FBXL17: variants seen among roughly 807,000 people sequenced by gnomAD.
The protein encoded by FBXL17 is F-box and leucine rich repeat protein 17.
In FBXL17, 22 loss-of-function variants were observed where a neutral mutation model predicts 66.2. That is an observed-to-expected ratio of 0.33 (90% CI 0.24 to 0.47). The LOEUF is 0.47. Among genes scored for constraint, FBXL17 ranks in the 20% least tolerant of loss-of-function variants. The pLI, the probability that FBXL17 is intolerant of heterozygous loss-of-function variation, is 1.00. For synonymous variants in FBXL17, 474 were observed against 400.5 expected (o/e 1.18, Z -2.19); for missense variants, 878 against 948.2 (o/e 0.93, Z 0.97).
intron 7 of FBXL17, among the ~76,000 whole-genome samples, chr5:107,927,549 A>G (rs1750566020): frequency 6.6e-6 from 1 of 152,128 alleles, no homozygotes; most frequent in African/African-American, 2.4e-5. Context: ...TATAGAAAAT[A>G]AAATTTCCAA....
chr5:108,267,741 G>T (rs1757103096), intron 4 of FBXL17, among the ~76,000 whole-genome samples: 1 of 151,912 alleles, frequency 6.6e-6, no homozygotes, highest in Admixed American at 6.6e-5. Context: ...AATAAAATAA[G>T]TGCTATGAAG....
At chr5:108,356,530 A>C (rs1382677112) in intron 3 of FBXL17, among the ~76,000 whole-genome samples, 1 of 152,154 alleles carries the variant, frequency 6.6e-6, no homozygotes, top group Non-Finnish European at 1.5e-5. Flanking sequence ...GACATGGAAG[A>C]AACTTAACTG....
At chr5:107,927,569 T>C (rs1750566867) in intron 7 of FBXL17, among the ~76,000 whole-genome samples, 2 of 152,028 alleles carry the variant, frequency 1.3e-5, no homozygotes, top group African/African-American at 2.4e-5. Flanking sequence ...ATTAATAAGC[T>C]CTCATAAGGC....
intron 7 of FBXL17, among the ~76,000 whole-genome samples, chr5:107,960,446 C>T (rs938238137): frequency 2.0e-5 from 3 of 152,174 alleles, no homozygotes; most frequent in South Asian, 4.1e-4. Flanking sequence ...CTTTGACCAA[C>T]TCTCTGCTCC....
chr5:108,310,660 A>G (rs1031156798), intron 4 of FBXL17, among the ~76,000 whole-genome samples: 2 of 152,196 alleles, frequency 1.3e-5, no homozygotes, highest in Admixed American at 6.5e-5. Context: ...AGAGCTAGCT[A>G]CTCAAAATTA....
chr5:108,367,545 C>T (rs1323325709), intron 2 of FBXL17, among the ~76,000 whole-genome samples: 1 of 151,706 alleles, frequency 6.6e-6, no homozygotes, highest in Non-Finnish European at 1.5e-5. Flanking sequence ...GTATGATCCC[C>T]CACAGAAAGA....
chr5:108,381,547 G>C lies in FBXL17; in HGVS notation c.145C>G (p.Arg49Gly), dbSNP rs1749933969. The C allele has an allele frequency of 2.1e-6, 3 of 1,427,608 alleles. No homozygotes were observed. Among genetic ancestry groups the C allele is most frequent in the South Asian group, 1.4e-5 (1 of 69,126 alleles). 88.4% of individuals were successfully genotyped at this position (1,427,608 alleles called of 1,614,324 possible). Reference sequence around the variant, plus strand: ...CCGCGGAAGAAGCAGTCCCGGCTCCGGGGCGCCGCCGGCTGAGGGGGCACC... The same window carrying C: ...CCGCGGAAGAAGCAGTCCCGGCTCCCGGGCGCCGCCGGCTGAGGGGGCACC... Reference protein sequence around the residue: ...AKVPPQPAAPRSRDCFFRGPC... With the variant: ...AKVPPQPAAPGSRDCFFRGPC... Residue 49 changes from arginine (R) to glycine (G), a missense_variant, in exon 1 of 9, where the codon CGG (arginine) becomes GGG (glycine). This residue lies in a region of FBXL17 where 605 missense variants were observed against 509.5 expected (regional missense o/e 1.19). Transcript: ENST00000542267.
chr5:108,127,824 T>C (rs1006864062), intron 6 of FBXL17, among the ~76,000 whole-genome samples: 13 of 152,230 alleles, frequency 8.5e-5, no homozygotes, highest in African/African-American at 3.1e-4. Flanking sequence ...TTTAATATGC[T>C]ATGTATAAAT....
intron 7 of FBXL17, among the ~76,000 whole-genome samples, chr5:107,993,803 G>T (rs1753359718): frequency 2.0e-5 from 3 of 152,008 alleles, no homozygotes. Flanking sequence ...TTAAGTCATG[G>T]CAATACCAAA....
At chr5:108,378,625 G>A (rs1398584650) in intron 1 of FBXL17, among the ~76,000 whole-genome samples, 1 of 152,118 alleles carries the variant, frequency 6.6e-6, no homozygotes, top group Non-Finnish European at 1.5e-5. Context: ...TGGCTCTACC[G>A]TGGCTCCAAC....
At chr5:108,350,609 A>G (rs1246460152) in intron 3 of FBXL17, among the ~76,000 whole-genome samples, 1 of 152,238 alleles carries the variant, frequency 6.6e-6, no homozygotes, top group African/African-American at 2.4e-5. Context: ...GATAAACTTC[A>G]TAGAAAGGAT....
chr5:107,876,553 C>T (rs933409445), intron 8 of FBXL17, among the ~76,000 whole-genome samples: 23 of 152,144 alleles, frequency 1.5e-4, no homozygotes, highest in African/African-American at 5.3e-4. Flanking sequence ...CTTTTATCAC[C>T]GAGGCCTCGC....
intron 6 of FBXL17, among the ~76,000 whole-genome samples, chr5:108,146,706 C>T (rs982652643): frequency 1.3e-5 from 2 of 152,130 alleles, no homozygotes; most frequent in African/African-American, 4.8e-5. Flanking sequence ...ACTATCTAAA[C>T]TATCTCCACA....
At chr5:108,038,355 T>C (rs956370607) in intron 6 of FBXL17, among the ~76,000 whole-genome samples, 2 of 152,114 alleles carry the variant, frequency 1.3e-5, no homozygotes, top group African/African-American at 4.8e-5. Context: ...CATTTATACA[T>C]GATAATTTTT....
rs559064052 is a variant in FBXL17 at position 108,201,186 on chromosome 5, T to A, written c.1615-14939A>T. ...TGCTTTCAATATCCAGGAGCCCCTT[T>A]AGAATCATGGAGAACACTTTCGTTC... is the stretch of plus-strand genomic sequence containing the variant. On this transcript the variant is annotated intron_variant, in intron 5 of 8. Transcript: ENST00000542267. Among the ~76,000 whole-genome samples, 4 of 152,280 alleles carry A rather than the reference T, an allele frequency of 2.6e-5. No individual in the cohort carries two copies. In the South Asian group the frequency reaches 8.3e-4, roughly 32 times the overall value.
chr5:107,898,106 C>T (rs2112527557), intron 7 of FBXL17, among the ~76,000 whole-genome samples: 1 of 152,268 alleles, frequency 6.6e-6, no homozygotes, highest in Non-Finnish European at 1.5e-5. Context: ...AACAAATAGA[C>T]ATTAGACAAT....
chr5:107,976,229 T>C (rs1259884058), intron 7 of FBXL17, among the ~76,000 whole-genome samples: 1 of 152,206 alleles, frequency 6.6e-6, no homozygotes, highest in Non-Finnish European at 1.5e-5. Flanking sequence ...AACAGAAGAA[T>C]CTAGGATTCC....
intron 6 of FBXL17, among the ~76,000 whole-genome samples, chr5:108,096,946 T>G (rs1749391547): frequency 6.6e-6 from 1 of 152,172 alleles, no homozygotes; most frequent in Non-Finnish European, 1.5e-5. Context: ...CATGGGGCAT[T>G]TAGCTAGTTT....
intron 4 of FBXL17, among the ~76,000 whole-genome samples, chr5:108,310,766 T>C (rs1306023831): frequency 2.0e-4 from 30 of 152,180 alleles, no homozygotes; most frequent in Admixed American, 2.0e-3. Context: ...AGCATCGTAA[T>C]ATGGAATGTA....
Sources: gnomAD v4.1 joint callset for allele counts (sites outside exome capture counted in the v4.1 genomes callset) on GRCh38, gnomAD v4.1.1 for gene constraint, gnomAD v4.1.1 regional missense constraint, MANE v1.5 for transcripts, NCBI Gene and HGNC (gene_info 2026-07-23, HGNC 2026-07-21) for gene names.